The following ANKRD44 variants were observed in gnomAD, a reference collection of about 807,000 sequenced individuals.
ANKRD44 encodes ankyrin repeat domain 44.
ANKRD44 carries 35 observed loss-of-function variants against 116.0 expected under a neutral mutation model. The observed-to-expected ratio is 0.30, with a 90% CI of 0.23 to 0.40. The LOEUF (loss-of-function observed/expected upper bound fraction) is 0.40. Among genes scored for constraint, ANKRD44 ranks in the 10% least tolerant of loss-of-function variants. The pLI is 1.00. For synonymous variants in ANKRD44, 435 were observed against 461.8 expected (o/e 0.94, Z 0.74); for missense variants, 1,014 against 1,242.6 (o/e 0.82, Z 2.77).
intron 15 of ANKRD44, among the ~76,000 whole-genome samples, chr2:197,080,620 T>C (rs993482988): frequency 2.0e-5 from 3 of 152,208 alleles, no homozygotes; most frequent in African/African-American, 7.2e-5. Flanking sequence ...AGCAAAACTC[T>C]GGTCATTCTA....
rs144968958 is a variant in ANKRD44, at chr2:197,172,220, T to C, written c.111+14803A>G. Among the ~76,000 whole-genome samples the C allele has an allele frequency of 8.5e-3, 1,293 of 152,232 alleles. 19 individuals carry two copies. Among genetic ancestry groups the C allele is most frequent in the African/African-American group, 0.029 (1,189 of 41,510 alleles). On this transcript the variant is annotated intron_variant, in intron 2 of 27. Coordinates refer to ENST00000282272, the MANE Select transcript of ANKRD44 (RefSeq NM_001195144.2). ...CTTCACCATATTGGCCAGGCTGGTC[T>C]AGAACTCCTGACCTCAAGTGATCCA...
chr2:197,118,615 A>AAGAAAGAAAGAGAGAG (rs1553512529), intron 8 of ANKRD44, among the ~76,000 whole-genome samples: 1 of 76,398 alleles, frequency 1.3e-5, no homozygotes, highest in African/African-American at 7.2e-5. Flanking sequence ...GAGAGAAAGA[A>AAGAAAGAAAGAGAGAG]AGAGAGAGAG....
intron 12 of ANKRD44, among the ~76,000 whole-genome samples, chr2:197,087,835 T>G (rs2125166338): frequency 6.6e-6 from 1 of 152,166 alleles, no homozygotes; most frequent in African/African-American, 2.4e-5. Flanking sequence ...ATTTGGGGGC[T>G]GAGGTAGGGG....
chr2:197,084,283 G>A (rs561919834), intron 13 of ANKRD44, among the ~76,000 whole-genome samples: 1 of 152,086 alleles, frequency 6.6e-6, no homozygotes, highest in Non-Finnish European at 1.5e-5. Flanking sequence ...CTTTGTCCAG[G>A]TTGGTTTAGC....
chr2:197,022,954 G>A (rs1016979901), intron 17 of ANKRD44, among the ~76,000 whole-genome samples: 3 of 152,138 alleles, frequency 2.0e-5, no homozygotes, highest in South Asian at 4.1e-4. Context: ...ATATTTCCTC[G>A]CCTGTTTGTC....
In ANKRD44 at chr2:197,083,494, A is replaced by G; in HGVS notation, c.1332T>C (p.Tyr444=). 3.1e-6 allele frequency: 5 copies of G among 1,613,518 alleles called. No individual in the cohort carries two copies. The highest frequency in any genetic ancestry group is 4.2e-6 in the Non-Finnish European group (5 of 1,179,672). ...AGTGGAAATGACAATTCGCAGCTGC[A>G]TAGTGCAAAGGGGTCCTGAAAAACA... ...KDKCGRTPLH[Y]AAANCHFHCI... is the part of the protein sequence containing the mutation. The change falls in exon 14 of 28, where the codon TAT becomes TAC. Residue 444 remains tyrosine (Y), a synonymous_variant. Coordinates refer to ENST00000282272, the MANE Select transcript of ANKRD44 (RefSeq NM_001195144.2).
At chr2:197,050,028 G>T (rs982581613) in intron 16 of ANKRD44, among the ~76,000 whole-genome samples, 1 of 152,092 alleles carries the variant, frequency 6.6e-6, no homozygotes, top group African/African-American at 2.4e-5. Context: ...AGTTCCACAG[G>T]CTGTACAAGA....
At chr2:197,205,542 G>A (rs943166812) in intron 1 of ANKRD44, among the ~76,000 whole-genome samples, 4 of 152,188 alleles carry the variant, frequency 2.6e-5, no homozygotes, top group African/African-American at 7.2e-5. Context: ...CCAGTCACTG[G>A]GAAGATCTTT....
intron 23 of ANKRD44, 103 bp downstream of exon 23, chr2:197,000,316 C>T (rs2076091662): frequency 2.3e-6 from 2 of 866,172 alleles, no homozygotes; most frequent in Non-Finnish European, 3.7e-6. Context: ...CATGCTTATC[C>T]ATTATTCTTT....
intron 1 of ANKRD44, among the ~76,000 whole-genome samples, chr2:197,205,678 A>G (rs1251607158): frequency 2.6e-5 from 4 of 152,168 alleles, no homozygotes; most frequent in Non-Finnish European, 5.9e-5. Flanking sequence ...TTCTGCAATG[A>G]TCAAGATACA....
chr2:197,037,987 G>C lies in ANKRD44; in HGVS notation c.1651-12720C>G, dbSNP rs564236437. ...GTCATTGCTACATTTTAAAAACCAG[G>C]GGTTGGAGGTTGGGAGGAGGGATGA... On this transcript the variant is annotated intron_variant, in intron 16 of 27. Coordinates refer to ENST00000282272, the MANE Select transcript of ANKRD44 (RefSeq NM_001195144.2). Among the ~76,000 whole-genome samples, 10 of 152,226 alleles carry C rather than the reference G, an allele frequency of 6.6e-5. No individual in the cohort carries two copies. In the East Asian group the frequency reaches 1.7e-3, roughly 26 times the overall value.
At chr2:197,261,770 G>T (rs927106105) in intron 1 of ANKRD44, among the ~76,000 whole-genome samples, 1 of 152,098 alleles carries the variant, frequency 6.6e-6, no homozygotes, top group African/African-American at 2.4e-5. Context: ...TCAGAACCAC[G>T]CTTGAGATGT....
intron 10 of ANKRD44, among the ~76,000 whole-genome samples, chr2:197,091,626 T>C (rs140473868): frequency 4.1e-4 from 63 of 152,342 alleles, no homozygotes; most frequent in Non-Finnish European, 2.9e-4. Flanking sequence ...CCCAAAGTGC[T>C]ATGATTACAA....
Position 196,993,684 on chromosome 2 carries a change from A to G in ANKRD44, c.2832-10T>C. Reference sequence around the variant, plus strand: ...AGCGACGTGGAGGGGTCTAAAAAACACAAGACCGAGCATCAGTTGTGATAC... The same window carrying G: ...AGCGACGTGGAGGGGTCTAAAAAACGCAAGACCGAGCATCAGTTGTGATAC... On this transcript the variant is annotated splice_polypyrimidine_tract_variant and intron_variant, in intron 26 of 27. Transcript: ENST00000282272. 6.5e-7 allele frequency: 1 copy of G among 1,549,870 alleles called. No individual in the cohort carries two copies. Among genetic ancestry groups the G allele is most frequent in the Non-Finnish European group, 8.7e-7 (1 of 1,146,154 alleles).
chr2:197,277,453 G>A (rs2083124706), intron 1 of ANKRD44, among the ~76,000 whole-genome samples: 1 of 152,112 alleles, frequency 6.6e-6, no homozygotes, highest in Middle Eastern at 3.2e-3. Context: ...TTCCAGTGAG[G>A]ATCTGGAAGA....
intron 1 of ANKRD44, among the ~76,000 whole-genome samples, chr2:197,265,927 A>T (rs1052620488): frequency 6.6e-6 from 1 of 152,178 alleles, no homozygotes; most frequent in African/African-American, 2.4e-5. Flanking sequence ...GAGTAGTAAA[A>T]GCCTTTTGTC....
At chr2:196,974,731 A>G (rs1224060969) in intron 21 of ANKRD44, among the ~76,000 whole-genome samples, 2 of 152,028 alleles carry the variant, frequency 1.3e-5, no homozygotes, top group Admixed American at 6.5e-5. Flanking sequence ...CTCTACTAAC[A>G]ATACAAAAAT....
At chr2:197,038,751 T>C (rs2076853771) in intron 16 of ANKRD44, among the ~76,000 whole-genome samples, 4 of 152,180 alleles carry the variant, frequency 2.6e-5, no homozygotes, top group Admixed American at 2.6e-4. Flanking sequence ...GCTGTAGGTG[T>C]TCCAGATGAG....
intron 5 of ANKRD44, 106 bp from the exon 6 acceptor site, chr2:197,125,574 G>T (rs2078956780): frequency 1.1e-5 from 12 of 1,108,990 alleles, no homozygotes; most frequent in Non-Finnish European, 1.6e-5. Context: ...CTAAAGGCAG[G>T]TCAGAGATCT....
Sources: allele counts gnomAD v4.1 joint callset (sites outside exome capture counted in the v4.1 genomes callset), GRCh38; gene constraint gnomAD v4.1.1; transcripts MANE v1.5; gene names NCBI Gene and HGNC (gene_info 2026-07-23, HGNC 2026-07-21).